The following LINC00305 variants were observed in gnomAD, a reference collection of about 807,000 sequenced individuals.
The protein encoded by LINC00305 is long independently transcribed non-coding RNA 305, also known as long intergenic non-protein coding RNA 305.
chr18:64,101,651 C>A (rs902452812), intron 1 of LINC00305, among the ~76,000 whole-genome samples: 1 of 152,110 alleles, frequency 6.6e-6, no homozygotes, highest in Admixed American at 6.5e-5. Context: ...TTTAATAAGA[C>A]CTTTTTAAAA....
At chr18:64,119,136 A>G (rs923773819) in intron 1 of LINC00305, among the ~76,000 whole-genome samples, 2 of 152,148 alleles carry the variant, frequency 1.3e-5, no homozygotes, top group African/African-American at 4.8e-5. Flanking sequence ...GGTAAATGAA[A>G]AAAGACAATA....
intron 3 of LINC00305, among the ~76,000 whole-genome samples, chr18:64,086,742 C>T (rs1324098414): frequency 1.3e-5 from 2 of 152,180 alleles, no homozygotes; most frequent in African/African-American, 4.8e-5. Flanking sequence ...TTTCCCCTTG[C>T]TCTGTTAGGA....
chr18:64,083,152 A>G (rs981883390), intron 3 of LINC00305, among the ~76,000 whole-genome samples: 1 of 152,094 alleles, frequency 6.6e-6, no homozygotes, highest in Non-Finnish European at 1.5e-5. Context: ...CCTCCCCTTT[A>G]ATAAATATTT....
exon 2 of LINC00305, chr18:64,098,596 A>G (rs868114225): frequency 2.2e-6 from 1 of 444,816 alleles, no homozygotes; most frequent in Non-Finnish European, 4.5e-6. Flanking sequence ...TGCACAGTCT[A>G]TGAAGGTTGA....
At chr18:64,129,118 T>C (rs2051398318) in intron 1 of LINC00305, among the ~76,000 whole-genome samples, 1 of 152,150 alleles carries the variant, frequency 6.6e-6, no homozygotes, top group Non-Finnish European at 1.5e-5. Context: ...TCTGGGAATG[T>C]AATTTACTTT....
At chr18:64,101,215 A>G (rs184932663) in intron 1 of LINC00305, among the ~76,000 whole-genome samples, 17 of 152,322 alleles carry the variant, frequency 1.1e-4, no homozygotes, top group Admixed American at 9.8e-4. Context: ...GAACCTGAGC[A>G]ATAATCATTA....
intron 1 of LINC00305, among the ~76,000 whole-genome samples, chr18:64,123,781 T>C (rs908223368): frequency 6.6e-6 from 1 of 152,076 alleles, no homozygotes; most frequent in African/African-American, 2.4e-5. Context: ...GTAGGAGGTA[T>C]TTGGGTCATG....
intron 1 of LINC00305, among the ~76,000 whole-genome samples, chr18:64,114,948 C>CT (rs2051331308): frequency 6.6e-6 from 1 of 152,160 alleles, no homozygotes; most frequent in Non-Finnish European, 1.5e-5. Context: ...AGCCTGAAAA[C>CT]TTTCTGAGAG....
At chr18:64,097,707 A>C (rs1194157522) in intron 3 of LINC00305, 1 of 325,076 alleles carries the variant, frequency 3.1e-6, no homozygotes, top group African/African-American at 2.2e-5. Flanking sequence ...TAAAATTTTA[A>C]GCACTCTATT....
chr18:64,103,258 CTT>C (rs1259567342), intron 1 of LINC00305, among the ~76,000 whole-genome samples: 1 of 152,202 alleles, frequency 6.6e-6, no homozygotes, highest in Non-Finnish European at 1.5e-5. Context: ...CAATTCCTGT[CTT>C]TCTCAAATAG....
At chr18:64,080,530 A>G (rs1338363988) in intron 3 of LINC00305, 11 of 239,910 alleles carry the variant, frequency 4.6e-5, no homozygotes, top group African/African-American at 2.3e-4. Flanking sequence ...AACAAATTCT[A>G]CTTGCAGGCA....
At chr18:64,105,343 C>T (rs560727242) in intron 1 of LINC00305, among the ~76,000 whole-genome samples, 10 of 152,136 alleles carry the variant, frequency 6.6e-5, no homozygotes, top group African/African-American at 2.4e-4. Context: ...CACCTGTAGT[C>T]CCAGCTACTA....
chr18:64,122,818 A>T (rs2051367991), intron 1 of LINC00305, among the ~76,000 whole-genome samples: 1 of 152,144 alleles, frequency 6.6e-6, no homozygotes, highest in Admixed American at 6.5e-5. Flanking sequence ...CTTCCAATCC[A>T]TGAGCAGGAG....
intron 1 of LINC00305, among the ~76,000 whole-genome samples, chr18:64,099,766 T>A (rs1158482888): frequency 6.6e-6 from 1 of 152,172 alleles, no homozygotes; most frequent in Non-Finnish European, 1.5e-5. Context: ...GATGGTGGAT[T>A]TTGTAATGTT....
chr18:64,080,998 A>T (rs1334484377), intron 3 of LINC00305, among the ~76,000 whole-genome samples: 1 of 152,240 alleles, frequency 6.6e-6, no homozygotes, highest in Non-Finnish European at 1.5e-5. Context: ...TGGTCTCAAG[A>T]TACAAATTAT....
chr18:64,142,033 A>G (rs112198035), intron 1 of LINC00305, among the ~76,000 whole-genome samples: 8 of 152,288 alleles, frequency 5.3e-5, no homozygotes, highest in African/African-American at 1.7e-4. Context: ...CTATATTCAT[A>G]GTTGTGTAGG....
intron 1 of LINC00305, among the ~76,000 whole-genome samples, chr18:64,131,576 A>G (rs2051410035): frequency 6.6e-6 from 1 of 152,214 alleles, no homozygotes; most frequent in Non-Finnish European, 1.5e-5. Context: ...TACAAAGCCA[A>G]CAATTTTGTT....
At chr18:64,098,644 C>T (rs2051256476) in intron 1 of LINC00305, 3 of 426,706 alleles carry the variant, frequency 7.0e-6, no homozygotes, top group African/African-American at 6.2e-5. Context: ...TTCCATCCTG[C>T]AAGTGAAAAA....
In LINC00305 at chr18:64,118,423, A is replaced by G. The variant is rs1299285263; in HGVS notation, n.315-19783T>C. ...TTTCCCAAAGAAGTGCTATGAAGAGATTAATTTTAATTATTTTTAATGTCT... is the reference window on the plus strand; with the variant it reads ...TTTCCCAAAGAAGTGCTATGAAGAGGTTAATTTTAATTATTTTTAATGTCT... On this transcript the variant is annotated intron_variant and non_coding_transcript_variant, in intron 1 of 3. Transcript: ENST00000666468. Among the ~76,000 whole-genome samples, 5 of 152,238 alleles carry G rather than the reference A, an allele frequency of 3.3e-5. No individual in the cohort carries two copies. The South Asian group carries it at 1.0e-3, about 32-fold the overall frequency.
Sources: gnomAD v4.1 joint callset for allele counts (sites outside exome capture counted in the v4.1 genomes callset) on GRCh38, gnomAD v4.1.1 for gene constraint, MANE v1.5 for transcripts, NCBI Gene and HGNC (gene_info 2026-07-23, HGNC 2026-07-21) for gene names.